PCDHA5: variants seen among roughly 807,000 people sequenced by gnomAD.
PCDHA5 encodes protocadherin alpha-5.
In PCDHA5, 43 loss-of-function variants were observed where a neutral mutation model predicts 61.6. The ratio of observed to expected loss-of-function variants is 0.70; its 90% CI spans 0.55 to 0.90. PCDHA5 has a LOEUF of 0.90. Ranked by LOEUF, PCDHA5 falls within the 40% of genes least tolerant of loss-of-function variation. The probability of loss-of-function intolerance (pLI) is 0.00; values close to 1 mark genes in which losing one functional copy is unlikely to be tolerated. For synonymous variants in PCDHA5, 627 were observed against 543.9 expected, an observed-to-expected ratio of 1.15 and a Z score of -2.13; for missense variants, 1,298 against 1,222.7, an observed-to-expected ratio of 1.06 and a Z score of -0.92.
At chr5:140,863,023 G>T (rs782495275) in intron 1 of PCDHA5, 12 of 553,926 alleles carry the variant, frequency 2.2e-5, no homozygotes, top group South Asian at 1.5e-4. Context: ...CCTGGTTGTC[G>T]CAACAGCTGC....
chr5:140,924,665 C>A (rs528625954), intron 1 of PCDHA5, among the ~76,000 whole-genome samples: 3 of 152,050 alleles, frequency 2.0e-5, no homozygotes, highest in Non-Finnish European at 4.4e-5. Flanking sequence ...GAGGCCGAGG[C>A]AGGCCAATCA....
chr5:140,972,350 A>G (rs897251940), intron 1 of PCDHA5, among the ~76,000 whole-genome samples: 3 of 150,008 alleles, frequency 2.0e-5, no homozygotes, highest in Admixed American at 1.3e-4. Flanking sequence ...GGGTCTCACT[A>G]TGTTGCACAT....
intron 1 of PCDHA5, chr5:140,835,640 C>G: frequency 5.6e-6 from 9 of 1,613,888 alleles, no homozygotes; most frequent in South Asian, 1.1e-5. Context: ...AGAGTGTGTC[C>G]GCCTATGAGC....
intron 1 of PCDHA5, among the ~76,000 whole-genome samples, chr5:140,885,862 T>C (rs2060742623): frequency 6.6e-6 from 1 of 152,182 alleles, no homozygotes; most frequent in African/African-American, 2.4e-5. Flanking sequence ...TACTTTTCTA[T>C]TGAAAAAAAA....
At chr5:140,834,402 T>G in intron 1 of PCDHA5, 1 of 1,606,068 alleles carries the variant, frequency 6.2e-7, no homozygotes, top group East Asian at 2.2e-5. Context: ...CCCGAATGGA[T>G]ACGACCCAGG....
chr5:140,968,574 T>A (rs2096256536), intron 1 of PCDHA5: 1 of 1,614,218 alleles, frequency 6.2e-7, no homozygotes, highest in Non-Finnish European at 8.5e-7. Flanking sequence ...GCTGGCTACC[T>A]GGTCACCAAA....
At position 140,836,649 on chromosome 5, in the gene PCDHA5, C is replaced by A; in HGVS notation, c.2352+12522C>A. The A allele has an allele frequency of 2.5e-6, 4 of 1,613,466 alleles. 1 individual carries two copies. The highest frequency in any genetic ancestry group is 3.4e-6 in the Non-Finnish European group (4 of 1,179,602). On this transcript the variant is annotated intron_variant, in intron 1 of 3. Transcript: ENST00000529859. ...CTGGTCATTCTCCCAGCAGAGGCGGCAGAGGGTGTGCTCTGGGGAGGGCCC... is the reference window on the plus strand; with the variant it reads ...CTGGTCATTCTCCCAGCAGAGGCGGAAGAGGGTGTGCTCTGGGGAGGGCCC...
chr5:140,834,378 T>C, intron 1 of PCDHA5: 1 of 1,562,858 alleles, frequency 6.4e-7, no homozygotes, highest in Non-Finnish European at 8.7e-7. Context: ...AAGCCAATAA[T>C]TTGAAATGGT....
chr5:140,941,438 C>T (rs1408570275), intron 1 of PCDHA5, among the ~76,000 whole-genome samples: 4 of 150,764 alleles, frequency 2.7e-5, no homozygotes, highest in African/African-American at 7.3e-5. Context: ...GCCTCAGCCT[C>T]GGGAGTAGCT....
chr5:140,978,842 T>A, intron 1 of PCDHA5, 107 bp from the exon 2 acceptor site: 1 of 1,564,670 alleles, frequency 6.4e-7, no homozygotes, highest in East Asian at 2.3e-5. Flanking sequence ...TTCAATACTT[T>A]TTTAGATGCC....
Position 140,922,401 on chromosome 5 carries a change from A to T in PCDHA5, c.2353-56548A>T, listed in dbSNP as rs1290862669. On this transcript the variant is annotated intron_variant, in intron 1 of 3. Transcript: ENST00000529859. ...AACCAAAGACTCCTTGTTTTGGATT[A>T]AAAAGATCTAGGTACAGAGGCTGAG... 2.6e-5 allele frequency among the ~76,000 whole-genome samples: 4 copies of T among 152,234 alleles called. No individual in the cohort carries two copies. In the East Asian group the frequency reaches 7.7e-4, roughly 29 times the overall value.
At chr5:140,899,894 A>G (rs2067617727) in intron 1 of PCDHA5, among the ~76,000 whole-genome samples, 1 of 151,938 alleles carries the variant, frequency 6.6e-6, no homozygotes, top group African/African-American at 2.4e-5. Context: ...TGCAGCCTTG[A>G]CATCCTGGGC....
chr5:140,971,165 G>C (rs1390176241), intron 1 of PCDHA5, among the ~76,000 whole-genome samples: 1 of 152,136 alleles, frequency 6.6e-6, no homozygotes, highest in Non-Finnish European at 1.5e-5. Context: ...GCTCAGCTTT[G>C]CCACCAGCTG....
rs199571672 is a variant in PCDHA5 at position 140,994,794 on chromosome 5, T to C, written c.2500+12231T>C. On this transcript the variant is annotated intron_variant, in intron 3 of 3. Transcript: ENST00000529859. The stretch of plus-strand genomic sequence containing the variant: ...CCAGGCAAAGGAAACAATGCGTGCA[T>C]GCAAAAACAAAATACAAAAAACTGA... Among the ~76,000 whole-genome samples the C allele has an allele frequency of 7.2e-5, 11 of 152,270 alleles. No individual in the cohort carries two copies. The East Asian group carries it at 2.1e-3, about 29-fold the overall frequency.
At chr5:140,879,297 A>G (rs573154436) in intron 1 of PCDHA5, among the ~76,000 whole-genome samples, 1 of 152,346 alleles carries the variant, frequency 6.6e-6, no homozygotes, top group African/African-American at 2.4e-5. Flanking sequence ...TAAGAGAAAA[A>G]CAAAAGTAGA....
intron 1 of PCDHA5, chr5:140,969,215 C>G (rs782320507): frequency 6.2e-7 from 1 of 1,614,128 alleles, no homozygotes; most frequent in South Asian, 1.1e-5. Flanking sequence ...CCAGACAGGA[C>G]CAGGGCCTTC....
At position 140,835,912 on chromosome 5, in the gene PCDHA5, T is replaced by C. The variant is rs2150248212; in HGVS notation, c.2352+11785T>C. ...CGCGCGCTGTCGAGCTACGTGTCAG[T>C]GCACGCGGAGAGCGGCAAGGTGTAC... On this transcript the variant is annotated intron_variant, in intron 1 of 3. Coordinates refer to ENST00000529859, the MANE Select transcript of PCDHA5 (RefSeq NM_018908.3). 1.9e-5 allele frequency: 30 copies of C among 1,612,232 alleles called. 1 individual carries two copies. In the South Asian group the frequency reaches 2.6e-4, roughly 14 times the overall value.
At chr5:140,873,843 T>C (rs2054523917) in intron 1 of PCDHA5, among the ~76,000 whole-genome samples, 1 of 152,144 alleles carries the variant, frequency 6.6e-6, no homozygotes, top group Non-Finnish European at 1.5e-5. Context: ...GTATTTTTAG[T>C]AGAGATGGGT....
chr5:140,913,410 C>T (rs375204256), intron 1 of PCDHA5, among the ~76,000 whole-genome samples: 6 of 152,040 alleles, frequency 3.9e-5, no homozygotes, highest in African/African-American at 1.4e-4. Context: ...CCTTTGAATT[C>T]CTGCAGTATC....
Sources: gnomAD v4.1 joint callset for allele counts (sites outside exome capture counted in the v4.1 genomes callset) on GRCh38, gnomAD v4.1.1 for gene constraint, MANE v1.5 for transcripts, NCBI Gene and HGNC (gene_info 2026-07-23, HGNC 2026-07-21) for gene names.